EGLN1: variants seen among roughly 807,000 people sequenced by gnomAD.
The protein encoded by EGLN1 is egl-9 family hypoxia inducible factor 1.
A neutral mutation model predicts 38.3 loss-of-function variants in EGLN1; 17 were observed. That is an observed-to-expected ratio of 0.44 (90% CI 0.30 to 0.67). EGLN1 has a LOEUF of 0.67. Among genes scored for constraint, EGLN1 ranks in the 30% least tolerant of loss-of-function variants. The pLI is 0.08. For synonymous variants in EGLN1, 283 were observed against 257.5 expected, an observed-to-expected ratio of 1.10 and a Z score of -0.95; for missense variants, 477 against 603.3, an observed-to-expected ratio of 0.79 and a Z score of 2.19.
rs76071824 is a variant in EGLN1 at position 231,377,751 on chromosome 1, T to C, written c.892-3652A>G. 2.3e-4 allele frequency among the ~76,000 whole-genome samples: 35 copies of C among 152,218 alleles called. No homozygotes were observed. In the East Asian group the frequency reaches 6.4e-3, roughly 28 times the overall value. On this transcript the variant is annotated intron_variant, in intron 1 of 4. Coordinates refer to ENST00000366641, the MANE Select transcript of EGLN1 (RefSeq NM_022051.3). ...AGAGCCCTGGAGCCCTAGGGAGGTA[T>C]CTAGGGGTAGGGGACTAATTGGGAA...
chr1:231,403,706 G>C (rs1433748115), intron 1 of EGLN1, among the ~76,000 whole-genome samples: 1 of 143,862 alleles, frequency 7.0e-6, no homozygotes, highest in Non-Finnish European at 1.5e-5. Context: ...AACCTGGGAA[G>C]AGGTGGAGGT....
Position 231,366,450 on chromosome 1 carries a change from G to T in EGLN1, c.1242C>A (p.Leu414=). The T allele has an allele frequency of 6.2e-7, 1 of 1,613,476 alleles. No individual in the cohort carries two copies. Among genetic ancestry groups the T allele is most frequent in the Non-Finnish European group, 8.5e-7 (1 of 1,179,946 alleles). Residue 414 remains leucine, a synonymous_variant, in exon 5 of 5, where the codon CTC becomes CTA. Transcript: ENST00000366641. ...TACCGACCGAATCTGAAGGTTTATT[G>T]AGTTCAACCCTCACACCTTTTTCAC... The part of the protein sequence containing the change: ...LTGEKGVRVE[L]NKPSDSVGKD...
intron 1 of EGLN1, among the ~76,000 whole-genome samples, chr1:231,398,698 T>C (rs1037375404): frequency 1.3e-5 from 2 of 151,972 alleles, no homozygotes; most frequent in African/African-American, 4.8e-5. Context: ...AAAGAACAGA[T>C]TGGGGAAAAC....
intron 1 of EGLN1, among the ~76,000 whole-genome samples, chr1:231,397,113 C>T (rs1264969547): frequency 6.6e-6 from 1 of 152,184 alleles, no homozygotes; most frequent in African/African-American, 2.4e-5. Flanking sequence ...TCCTCTAAAT[C>T]CTTCCATAGC....
At chr1:231,378,742 G>A (rs1314651787) in intron 1 of EGLN1, among the ~76,000 whole-genome samples, 1 of 152,146 alleles carries the variant, frequency 6.6e-6, no homozygotes, top group African/African-American at 2.4e-5. Context: ...GCTGAACCAG[G>A]AAACTTATTT....
intron 2 of EGLN1, among the ~76,000 whole-genome samples, chr1:231,373,675 T>G (rs1291866586): frequency 8.1e-6 from 1 of 123,856 alleles, no homozygotes; most frequent in Non-Finnish European, 1.6e-5. Context: ...ACCTCGTGTG[T>G]GCGTGTGTGT....
chr1:231,382,384 AATC>A (rs149113320), intron 1 of EGLN1, among the ~76,000 whole-genome samples: 2,251 of 152,330 alleles, frequency 0.015, 68 homozygotes, highest in African/African-American at 0.051. Context: ...GGATATAAAT[AATC>A]ATCAGTAAAT....
intron 1 of EGLN1, among the ~76,000 whole-genome samples, chr1:231,396,249 C>CTT (rs5781649): frequency 7.2e-6 from 1 of 139,142 alleles, no homozygotes; most frequent in Non-Finnish European, 1.6e-5. Flanking sequence ...TCACTGGCTT[C>CTT]TTTTTTTTTT....
At chr1:231,393,468 G>GC (rs1296505451) in intron 1 of EGLN1, among the ~76,000 whole-genome samples, 1 of 152,158 alleles carries the variant, frequency 6.6e-6, no homozygotes, top group Non-Finnish European at 1.5e-5. Flanking sequence ...GTGGCCCTGG[G>GC]CATGTGTCTA....
chr1:231,416,156 C>A (rs1689074861), intron 1 of EGLN1, among the ~76,000 whole-genome samples: 1 of 151,732 alleles, frequency 6.6e-6, no homozygotes, highest in South Asian at 2.1e-4. Flanking sequence ...TGGCCCCTTT[C>A]TTTCTTAATA....
chr1:231,396,202 C>T (rs769417020), intron 1 of EGLN1, among the ~76,000 whole-genome samples: 16 of 151,926 alleles, frequency 1.1e-4, no homozygotes, highest in East Asian at 3.9e-4. Context: ...ATCCCCACCC[C>T]CTTCCTCTAC....
At chr1:231,399,722 A>G (rs1193442368) in intron 1 of EGLN1, among the ~76,000 whole-genome samples, 3 of 152,008 alleles carry the variant, frequency 2.0e-5, no homozygotes, top group Non-Finnish European at 2.9e-5. Flanking sequence ...GAGAAGGCAG[A>G]TAACTTGCTA....
chr1:231,383,856 G>C (rs1688131443), intron 1 of EGLN1, among the ~76,000 whole-genome samples: 1 of 152,052 alleles, frequency 6.6e-6, no homozygotes, highest in Admixed American at 6.5e-5. Context: ...TGAGGCCTGA[G>C]ATCCCGTACT....
chr1:231,388,344 GA>G (rs1015768063), intron 1 of EGLN1, among the ~76,000 whole-genome samples: 1 of 152,206 alleles, frequency 6.6e-6, no homozygotes, highest in Non-Finnish European at 1.5e-5. Flanking sequence ...ATATGTGGTT[GA>G]TAAGACGGTG....
chr1:231,411,823 C>T (rs144835915), intron 1 of EGLN1, among the ~76,000 whole-genome samples: 285 of 151,440 alleles, frequency 1.9e-3, no homozygotes, highest in Middle Eastern at 0.01. Flanking sequence ...ATAATGAAAC[C>T]CTGTCTCTAC....
chr1:231,398,201 A>G (rs940442184), intron 1 of EGLN1, among the ~76,000 whole-genome samples: 7 of 152,244 alleles, frequency 4.6e-5, no homozygotes, highest in East Asian at 1.9e-4. Context: ...CTTGCAGTCA[A>G]TATCTCAAAA....
chr1:231,383,865 C>G (rs1034347226), intron 1 of EGLN1, among the ~76,000 whole-genome samples: 1 of 151,968 alleles, frequency 6.6e-6, no homozygotes, highest in Admixed American at 6.6e-5. Flanking sequence ...AGATCCCGTA[C>G]TTTTTTTTCT....
intron 1 of EGLN1, among the ~76,000 whole-genome samples, chr1:231,405,398 C>T (rs766216520): frequency 3.3e-5 from 5 of 151,938 alleles, no homozygotes; most frequent in Admixed American, 6.6e-5. Context: ...AGGATGGTCT[C>T]GATCTCCTGA....
At chr1:231,403,753 G>A (rs1211886322) in intron 1 of EGLN1, among the ~76,000 whole-genome samples, 1 of 108,760 alleles carries the variant, frequency 9.2e-6, no homozygotes, top group Non-Finnish European at 1.7e-5. Context: ...GGTCAACAGA[G>A]CCAGACTCCA....
Sources: allele counts gnomAD v4.1 joint callset (sites outside exome capture counted in the v4.1 genomes callset), GRCh38; gene constraint gnomAD v4.1.1; transcripts MANE v1.5; gene names NCBI Gene and HGNC (gene_info 2026-07-23, HGNC 2026-07-21).